LRMDA: variants seen among roughly 807,000 people sequenced by gnomAD.
The protein encoded by LRMDA is leucine-rich melanocyte differentiation-associated protein.
A neutral mutation model predicts 29.8 loss-of-function variants in LRMDA; 18 were observed. The ratio of observed to expected loss-of-function variants is 0.60; its 90% CI spans 0.42 to 0.90. LRMDA has a LOEUF of 0.90. LRMDA is among the 40% of genes least tolerant of loss of function. LRMDA has a pLI of 0.00. For synonymous variants in LRMDA, 125 were observed against 109.4 expected (o/e 1.14, Z -0.89); for missense variants, 273 against 273.9 (o/e 1.00, Z 0.02).
chr10:76,133,180 A>G (rs1178201527), intron 5 of LRMDA, among the ~76,000 whole-genome samples: 1 of 151,934 alleles, frequency 6.6e-6, no homozygotes, highest in Non-Finnish European at 1.5e-5. Context: ...CAAGGGAAGT[A>G]AGGAAACCAA....
chr10:75,517,608 G>T (rs936406140), intron 2 of LRMDA, among the ~76,000 whole-genome samples: 25 of 152,186 alleles, frequency 1.6e-4, no homozygotes, highest in Admixed American at 7.9e-4. Context: ...GGGCTGAGAT[G>T]ATGGGGTTTT....
In LRMDA at chr10:75,941,749, T is replaced by C. The variant is rs1243291185; in HGVS notation, c.132-94259T>C. Among the ~76,000 whole-genome samples, 4 of 152,164 alleles carry C rather than the reference T, an allele frequency of 2.6e-5. 1 individual carries two copies. The East Asian group carries it at 5.8e-4, about 22-fold the overall frequency. ...GCAGACCACAAACCACTTGTAAAGA[T>C]TGGGGACTGATGACAATCATGCCAT... On this transcript the variant is annotated intron_variant, in intron 2 of 6. Transcript: ENST00000611255.
Position 76,014,642 on chromosome 10 carries a change from A to G in LRMDA, c.132-21366A>G, listed in dbSNP as rs549532522. Among the ~76,000 whole-genome samples, 4 of 152,308 alleles carry G rather than the reference A, an allele frequency of 2.6e-5. No homozygotes were observed. The East Asian group carries it at 7.7e-4, about 29-fold the overall frequency. ...TTGGAGAACTCAAAAATGCTTTAAC[A>G]TACTGCCTCTCTGACTGAAGGATCT... On this transcript the variant is annotated intron_variant, in intron 2 of 6. Transcript: ENST00000611255.
intron 6 of LRMDA, among the ~76,000 whole-genome samples, chr10:76,462,030 G>C (rs1179304077): frequency 2.1e-5 from 3 of 140,666 alleles, no homozygotes; most frequent in African/African-American, 5.2e-5. Flanking sequence ...AATTGTGCCA[G>C]AGTGAGGACC....
At chr10:75,952,615 G>A (rs1364676179) in intron 2 of LRMDA, among the ~76,000 whole-genome samples, 7 of 152,132 alleles carry the variant, frequency 4.6e-5, no homozygotes, top group Non-Finnish European at 7.3e-5. Flanking sequence ...GCAGAAATAA[G>A]ATCATTTATA....
intron 5 of LRMDA, among the ~76,000 whole-genome samples, chr10:76,145,273 T>C (rs1171043924): frequency 1.3e-5 from 2 of 150,312 alleles, no homozygotes; most frequent in African/African-American, 5.0e-5. Context: ...TGGTACCAGC[T>C]CCTCTTTTCA....
chr10:76,504,664 G>C (rs142259091), intron 6 of LRMDA, among the ~76,000 whole-genome samples: 48 of 152,044 alleles, frequency 3.2e-4, no homozygotes, highest in African/African-American at 1.1e-3. Context: ...TTGCACGGTA[G>C]ATCCTGCTAC....
intron 6 of LRMDA, among the ~76,000 whole-genome samples, chr10:76,514,650 T>C (rs1402946599): frequency 6.6e-6 from 1 of 152,188 alleles, no homozygotes; most frequent in East Asian, 1.9e-4. Flanking sequence ...TCCCTCCTTG[T>C]GCCAAGCGAG....
chr10:76,001,845 G>C (rs145163931), intron 2 of LRMDA, among the ~76,000 whole-genome samples: 2 of 152,070 alleles, frequency 1.3e-5, no homozygotes, highest in Admixed American at 6.6e-5. Context: ...AAACCAAATT[G>C]TATACTGCAA....
chr10:75,671,411 G>A (rs1013174157), intron 2 of LRMDA, among the ~76,000 whole-genome samples: 6 of 152,040 alleles, frequency 3.9e-5, no homozygotes, highest in South Asian at 2.1e-4. Context: ...CTTTGACACC[G>A]TAGATCTCCT....
intron 2 of LRMDA, among the ~76,000 whole-genome samples, chr10:75,509,280 ATGTGTG>A (rs551364202): frequency 1.3e-5 from 2 of 152,062 alleles, no homozygotes; most frequent in Non-Finnish European, 2.9e-5. Context: ...ATATGTGTAT[ATGTGTG>A]TGTGTGTAAC....
At position 76,047,196 on chromosome 10, in the gene LRMDA, G is replaced by A. The variant is rs754192128; in HGVS notation, c.291G>A (p.Leu97=). The A allele has an allele frequency of 1.7e-5, 27 of 1,613,852 alleles. No individual in the cohort carries two copies. Among genetic ancestry groups the A allele is most frequent in the Non-Finnish European group, 2.3e-5 (27 of 1,179,966 alleles). ...ITDLENLLDH[L]AEVTPALEYL... is the part of the protein sequence containing the mutation. ...ATTTGGAGAACCTGCTGGATCACTTGGCAGAAGTGACACCAGCTCTGGAGT... is the reference window on the plus strand; with the variant it reads ...ATTTGGAGAACCTGCTGGATCACTTAGCAGAAGTGACACCAGCTCTGGAGT... Residue 97 remains leucine, a synonymous_variant, in exon 4 of 7, where the codon TTG becomes TTA. Transcript: ENST00000611255.
At chr10:75,681,741 A>G (rs1471801035) in intron 2 of LRMDA, among the ~76,000 whole-genome samples, 1 of 152,030 alleles carries the variant, frequency 6.6e-6, no homozygotes, top group Non-Finnish European at 1.5e-5. Flanking sequence ...AGGGAGGTAA[A>G]CTCTGCCCAC....
intron 5 of LRMDA, among the ~76,000 whole-genome samples, chr10:76,307,041 A>G (rs1439265589): frequency 6.6e-6 from 1 of 152,144 alleles, no homozygotes; most frequent in South Asian, 2.1e-4. Context: ...CTGTTGCAGC[A>G]TCTTGTGGTT....
intron 5 of LRMDA, among the ~76,000 whole-genome samples, chr10:76,250,756 C>T (rs547976876): frequency 5.9e-5 from 9 of 152,158 alleles, no homozygotes; most frequent in African/African-American, 2.2e-4. Flanking sequence ...AAAATAGAGG[C>T]CTGTTTCCTG....
In LRMDA at chr10:75,918,086, A is replaced by G. The variant is rs190996655; in HGVS notation, c.132-117922A>G. 1.3e-4 allele frequency among the ~76,000 whole-genome samples: 20 copies of G among 152,338 alleles called. No individual in the cohort carries two copies. In the East Asian group the frequency reaches 3.9e-3, roughly 29 times the overall value. On this transcript the variant is annotated intron_variant, in intron 2 of 6. Transcript: ENST00000611255. ...GAATCATCAGGTACTTCCAAGCTCT[A>G]GACAACCTCTGATTTCTGTGAGAAC...
chr10:75,698,157 C>T (rs757704510), intron 2 of LRMDA, among the ~76,000 whole-genome samples: 5 of 152,144 alleles, frequency 3.3e-5, no homozygotes, highest in Non-Finnish European at 7.3e-5. Context: ...AACCCTTCCA[C>T]GGGGCTTCCT....
intron 2 of LRMDA, among the ~76,000 whole-genome samples, chr10:75,614,598 T>G (rs1841075748): frequency 6.6e-6 from 1 of 152,156 alleles, no homozygotes; most frequent in African/African-American, 2.4e-5. Context: ...CCAGCCCAAC[T>G]TCCTTTCCTC....
chr10:76,258,203 A>G lies in LRMDA; in HGVS notation c.517-66198A>G, dbSNP rs986028332. ...TTTGTGAATAATCTACCACCTACCCATAAGGGTTGTGTTATCTCCAGGTAT... is the reference window on the plus strand; with the variant it reads ...TTTGTGAATAATCTACCACCTACCCGTAAGGGTTGTGTTATCTCCAGGTAT... On this transcript the variant is annotated intron_variant, in intron 5 of 6. Coordinates refer to ENST00000611255, the MANE Select transcript of LRMDA (RefSeq NM_001305581.2). Among the ~76,000 whole-genome samples the G allele has an allele frequency of 3.3e-5, 5 of 152,318 alleles. 1 individual carries two copies. Among genetic ancestry groups the G allele is most frequent in the Admixed American group, 6.5e-5 (1 of 15,300 alleles).
Sources: gnomAD v4.1 joint callset for allele counts (sites outside exome capture counted in the v4.1 genomes callset) on GRCh38, gnomAD v4.1.1 for gene constraint, MANE v1.5 for transcripts, NCBI Gene and HGNC (gene_info 2026-07-23, HGNC 2026-07-21) for gene names.